Variants in STK32B observed in about 807,000 individuals in gnomAD.
STK32B encodes the protein serine/threonine kinase 32B, also known as serine/threonine-protein kinase 32B.
Under a neutral mutation model 52.6 loss-of-function variants are expected in STK32B, and 43 were observed. The observed-to-expected ratio is 0.82, with a 90% CI of 0.64 to 1.05. The LOEUF (loss-of-function observed/expected upper bound fraction) is 1.05. STK32B is among the 50% of genes least tolerant of loss of function. STK32B has a pLI of 0.00. For synonymous variants in STK32B, 238 were observed against 204.3 expected (o/e 1.17, Z -1.41); for missense variants, 621 against 534.6 (o/e 1.16, Z -1.59).
chr4:5,180,303 C>A (rs1289451244), intron 3 of STK32B, among the ~76,000 whole-genome samples: 3 of 152,244 alleles, frequency 2.0e-5, no homozygotes, highest in Admixed American at 1.3e-4. Context: ...TGGCCACTAA[C>A]ATCTCCTGGG....
rs188513032 is a variant in STK32B at position 5,229,591 on chromosome 4, C to T, written c.260+61141C>T. 2.6e-3 allele frequency among the ~76,000 whole-genome samples: 392 copies of T among 152,132 alleles called. 3 individuals carry two copies. The highest frequency in any genetic ancestry group is 9.0e-3 in the African/African-American group (372 of 41,482). On this transcript the variant is annotated intron_variant, in intron 3 of 11. Coordinates refer to ENST00000282908, the MANE Select transcript of STK32B (RefSeq NM_018401.3). ...GATATAGGTTTGGGCTGAGGAAGCACGTATTTTAGATTTTCTAAAGCTAAT... is the reference window on the plus strand; with the variant it reads ...GATATAGGTTTGGGCTGAGGAAGCATGTATTTTAGATTTTCTAAAGCTAAT...
At chr4:5,344,551 G>A (rs193037612) in intron 4 of STK32B, among the ~76,000 whole-genome samples, 5 of 152,274 alleles carry the variant, frequency 3.3e-5, no homozygotes, top group Non-Finnish European at 7.4e-5. Flanking sequence ...TTGCCTTGGA[G>A]TTGCTGATTC....
At chr4:5,250,806 T>C (rs1025681187) in intron 3 of STK32B, among the ~76,000 whole-genome samples, 5 of 152,236 alleles carry the variant, frequency 3.3e-5, no homozygotes, top group African/African-American at 1.2e-4. Context: ...TGCATTTATT[T>C]AGTGATGAGT....
At chr4:5,421,168 C>G (rs895383945) in intron 6 of STK32B, among the ~76,000 whole-genome samples, 1 of 152,074 alleles carries the variant, frequency 6.6e-6, no homozygotes, top group African/African-American at 2.4e-5. Context: ...CTGCTCACTG[C>G]AAACTCCACC....
At chr4:5,313,166 TA>T (rs753228225) in intron 3 of STK32B, among the ~76,000 whole-genome samples, 8 of 151,290 alleles carry the variant, frequency 5.3e-5, no homozygotes, top group Non-Finnish European at 1.0e-4. Flanking sequence ...TCCACCAGTG[TA>T]CAAAAAGAAT....
At chr4:5,096,062 A>G (rs1179324495) in intron 1 of STK32B, among the ~76,000 whole-genome samples, 2 of 152,192 alleles carry the variant, frequency 1.3e-5, no homozygotes, top group Non-Finnish European at 2.9e-5. Context: ...TGTATTTTCT[A>G]TTAGAGAAAT....
intron 4 of STK32B, among the ~76,000 whole-genome samples, chr4:5,359,564 C>T (rs557287103): frequency 6.6e-6 from 1 of 152,270 alleles, no homozygotes; most frequent in Admixed American, 6.5e-5. Context: ...GTGTATGTAA[C>T]ATGTCAGGCA....
chr4:5,040,426 G>T, the STK32B span, among the ~76,000 whole-genome samples: 3 of 134,736 alleles, frequency 2.2e-5, no homozygotes, highest in Non-Finnish European at 4.5e-5. Context: ...ACGAAGTCTC[G>T]CTGTGTCGCC....
intron 6 of STK32B, among the ~76,000 whole-genome samples, chr4:5,439,151 A>T (rs866250089): frequency 6.8e-6 from 1 of 148,122 alleles, no homozygotes; most frequent in Non-Finnish European, 1.5e-5. Context: ...TGGTATTTCT[A>T]GTTCTAGATC....
chr4:5,213,207 T>C (rs1236183379), intron 3 of STK32B, among the ~76,000 whole-genome samples: 2 of 152,206 alleles, frequency 1.3e-5, no homozygotes, highest in Non-Finnish European at 2.9e-5. Flanking sequence ...CAAGAACAAA[T>C]GCTGTTGGCC....
At chr4:5,352,844 C>G (rs1733926299) in intron 4 of STK32B, among the ~76,000 whole-genome samples, 1 of 152,034 alleles carries the variant, frequency 6.6e-6, no homozygotes, top group Non-Finnish European at 1.5e-5. Flanking sequence ...CCAAAGCAAT[C>G]TACAGATTCA....
intron 5 of STK32B, among the ~76,000 whole-genome samples, chr4:5,402,484 C>A (rs1394413081): frequency 6.6e-6 from 1 of 152,252 alleles, no homozygotes; most frequent in Non-Finnish European, 1.5e-5. Flanking sequence ...AGAATGTAGT[C>A]TTCGTCCTCT....
chr4:5,174,463 T>C (rs955537999), intron 3 of STK32B, among the ~76,000 whole-genome samples: 1 of 152,346 alleles, frequency 6.6e-6, no homozygotes, highest in East Asian at 1.9e-4. Flanking sequence ...CCATGTTTAG[T>C]GCTTCCTTCA....
chr4:5,089,413 A>G (rs866363892), intron 1 of STK32B, among the ~76,000 whole-genome samples: 2 of 151,736 alleles, frequency 1.3e-5, no homozygotes, highest in South Asian at 2.1e-4. Flanking sequence ...TTCAACTCCC[A>G]CTTGTGAGTG....
At chr4:5,418,841 G>A (rs1415603556) in intron 6 of STK32B, among the ~76,000 whole-genome samples, 14 of 152,208 alleles carry the variant, frequency 9.2e-5, no homozygotes, top group Admixed American at 9.2e-4. Context: ...AAACCGCCTG[G>A]AGGAGTTAGA....
At chr4:5,042,783 A>T in the STK32B span, among the ~76,000 whole-genome samples, 1 of 152,198 alleles carries the variant, frequency 6.6e-6, no homozygotes, top group South Asian at 2.1e-4. Context: ...AAAAAGCAAT[A>T]GAGTAGCCAA....
intron 6 of STK32B, among the ~76,000 whole-genome samples, chr4:5,438,306 AC>A (rs1714309884): frequency 1.3e-5 from 2 of 152,238 alleles, no homozygotes; most frequent in Non-Finnish European, 2.9e-5. Context: ...TCGGAATAGC[AC>A]AGATCAGTGC....
At chr4:5,188,035 T>C (rs150761160) in intron 3 of STK32B, among the ~76,000 whole-genome samples, 1,686 of 151,946 alleles carry the variant, frequency 0.011, 15 homozygotes, top group Middle Eastern at 0.058. Context: ...CTCCCTCCCT[T>C]TCATGCTTTG....
At chr4:5,307,696 T>C (rs542015104) in intron 3 of STK32B, among the ~76,000 whole-genome samples, 4 of 152,244 alleles carry the variant, frequency 2.6e-5, no homozygotes, top group Admixed American at 2.0e-4. Context: ...TTAGAGAACC[T>C]TGTTTTGTCA....
Sources: gnomAD v4.1 joint callset for allele counts (sites outside exome capture counted in the v4.1 genomes callset) on GRCh38, gnomAD v4.1.1 for gene constraint, MANE v1.5 for transcripts, NCBI Gene and HGNC (gene_info 2026-07-23, HGNC 2026-07-21) for gene names.